COL4A5: variants seen among roughly 807,000 people sequenced by gnomAD.
COL4A5 encodes the protein collagen alpha-5(IV) chain.
Under a neutral mutation model 130.2 loss-of-function variants are expected in COL4A5, and 26 were observed. The observed-to-expected ratio is 0.20, with a 90% CI of 0.15 to 0.28. The LOEUF (loss-of-function observed/expected upper bound fraction) is 0.28, where lower values mean the gene tolerates loss of function less well. Among genes scored for constraint, COL4A5 ranks in the 10% least tolerant of loss-of-function variants. The probability of loss-of-function intolerance (pLI) is 1.00; values close to 1 mark genes in which losing one functional copy is unlikely to be tolerated. For synonymous variants in COL4A5, 496 were observed against 439.6 expected (o/e 1.13, Z -1.60); for missense variants, 1,131 against 1,344.3 (o/e 0.84, Z 2.48).
intron 1 of COL4A5, among the ~76,000 whole-genome samples, chrX:108,440,844 C>G (rs1016359205): frequency 2.7e-5 from 3 of 111,569 alleles, no homozygotes; most frequent in East Asian, 2.8e-4. Context: ...TCTTTTGCGT[C>G]TTTTTGTTGT....
chrX:108,470,491 A>G (rs1192964678), intron 1 of COL4A5, among the ~76,000 whole-genome samples: 1 of 110,807 alleles, frequency 9.0e-6, no homozygotes, highest in Non-Finnish European at 1.9e-5. Context: ...TTTTAAATGG[A>G]GTTATTTGTC....
rs1162620400 is a variant in COL4A5 at position 108,595,174 on chromosome X, T to A, written c.1424-335T>A. Reference sequence around the variant, plus strand: ...TACTGCAGTCTGCCTATACTTAATATTCTATTAAAATATTTCATATATACA... The same window carrying A: ...TACTGCAGTCTGCCTATACTTAATAATCTATTAAAATATTTCATATATACA... On this transcript the variant is annotated intron_variant, in intron 21 of 52. Transcript: ENST00000328300. Among the ~76,000 whole-genome samples the A allele has an allele frequency of 3.6e-5, 4 of 112,230 alleles. No individual in the cohort carries two copies. In the Admixed American group the frequency reaches 3.8e-4, roughly 11 times the overall value.
At chrX:108,579,737 G>T (rs1435701883) in intron 13 of COL4A5, among the ~76,000 whole-genome samples, 4 of 112,042 alleles carry the variant, frequency 3.6e-5, no homozygotes, top group African/African-American at 1.3e-4. Flanking sequence ...AGGAAAAGTT[G>T]TATTGAAACT....
chrX:108,610,848 C>T (rs2066821198), intron 29 of COL4A5, among the ~76,000 whole-genome samples: 1 of 111,532 alleles, frequency 9.0e-6, no homozygotes, highest in Non-Finnish European at 1.9e-5. Context: ...ATTCTTCAAA[C>T]ATTTATTATG....
In COL4A5 at chrX:108,621,905, G is replaced by C. The variant is rs774918895; in HGVS notation, c.2767+13G>C. 3.5e-6 allele frequency: 4 copies of C among 1,131,439 alleles called. No homozygotes were observed. The highest frequency in any genetic ancestry group is 4.9e-6 in the Non-Finnish European group (4 of 824,443). The allele number at this position is 1,131,439 out of a possible 1,213,427, so 93.2% of individuals were successfully genotyped here. On this transcript the variant is annotated intron_variant, in intron 32 of 52. Transcript: ENST00000328300. ...CCTGGTCTTAAAGGTAATAATCAAG[G>C]TTTGCTGCCAGACGTATGTGAGAGG...
chrX:108,563,958 T>C (rs760413616), intron 4 of COL4A5, 32 bp downstream of exon 4: 1 of 1,114,814 alleles, frequency 9.0e-7, no homozygotes, highest in South Asian at 1.9e-5. Flanking sequence ...TCAAATACTT[T>C]GTTGGTGGAA....
At chrX:108,523,115 G>T (rs1208360860) in intron 1 of COL4A5, among the ~76,000 whole-genome samples, 1 of 110,663 alleles carries the variant, frequency 9.0e-6, no homozygotes, top group Non-Finnish European at 1.9e-5. Context: ...GACCTCAGGT[G>T]ACCTGCCTTC....
chrX:108,632,355 A>G (rs986243314), intron 36 of COL4A5, among the ~76,000 whole-genome samples: 4 of 110,851 alleles, frequency 3.6e-5, no homozygotes, highest in African/African-American at 1.3e-4. Context: ...ACCACCCAAA[A>G]GAAGTCCAGG....
chrX:108,481,560 A>G (rs139624940), intron 1 of COL4A5, among the ~76,000 whole-genome samples: 20 of 112,046 alleles, frequency 1.8e-4, no homozygotes, highest in African/African-American at 6.5e-4. Context: ...GCTTCTAGGA[A>G]CACTGTGATT....
intron 1 of COL4A5, among the ~76,000 whole-genome samples, chrX:108,457,766 C>A (rs188095110): frequency 1.8e-5 from 2 of 111,727 alleles, no homozygotes; most frequent in Admixed American, 9.5e-5. Flanking sequence ...GGCAATCACT[C>A]ATCTATTTTC....
intron 36 of COL4A5, among the ~76,000 whole-genome samples, chrX:108,646,056 T>C (rs2147915365): frequency 1.3e-5 from 1 of 78,031 alleles, no homozygotes; most frequent in African/African-American, 5.6e-5. Context: ...TGCATGTGTC[T>C]TTATAGCAGC....
chrX:108,506,751 G>T (rs1221619254), intron 1 of COL4A5, among the ~76,000 whole-genome samples: 1 of 110,144 alleles, frequency 9.1e-6, no homozygotes, highest in African/African-American at 3.3e-5. Context: ...TGGCCCGGGG[G>T]TTGGGGACTC....
rs765956486 is a variant in COL4A5 at position 108,615,041 on chromosome X, T to C, written c.2509+17T>C. The C allele has an allele frequency of 8.3e-5, 88 of 1,065,055 alleles. No homozygotes were observed. Among genetic ancestry groups the C allele is most frequent in the Non-Finnish European group, 1.1e-4 (85 of 764,375 alleles). 87.8% of individuals were successfully genotyped at this position (1,065,055 alleles called of 1,213,427 possible). ...GTCAACCTGGTAAGATTAGAGTAAA[T>C]GTGCATTTTGTAGCACTCATAATAT... On this transcript the variant is annotated intron_variant, in intron 30 of 52. Coordinates refer to ENST00000328300, the MANE Select transcript of COL4A5 (RefSeq NM_033380.3).
chrX:108,679,167 C>T (rs1476278364), intron 44 of COL4A5, among the ~76,000 whole-genome samples: 1 of 112,136 alleles, frequency 8.9e-6, no homozygotes, highest in Non-Finnish European at 1.9e-5. Flanking sequence ...TGCTCAGTTT[C>T]TCCACTGCAT....
chrX:108,562,794 C>T (rs757698273), intron 3 of COL4A5, among the ~76,000 whole-genome samples: 4 of 111,180 alleles, frequency 3.6e-5, no homozygotes, highest in South Asian at 3.8e-4. Flanking sequence ...TCGCAATTTT[C>T]CAAAGGTTTT....
At chrX:108,667,614 C>T (rs1282330214) in intron 40 of COL4A5, among the ~76,000 whole-genome samples, 1 of 109,130 alleles carries the variant, frequency 9.2e-6, no homozygotes, top group Non-Finnish European at 1.9e-5. Flanking sequence ...CTCTTTTGTG[C>T]TTACTCTTAC....
In COL4A5 at chrX:108,692,907, T is replaced by C; in HGVS notation, c.4688T>C (p.Ile1563Thr). The C allele has an allele frequency of 8.3e-7, 1 of 1,211,708 alleles. No homozygotes were observed. Residue 1563 changes from isoleucine to threonine, a missense_variant, in exon 50 of 53, where the codon ATC becomes ACC. Physicochemically the swap from Ile to Thr is moderately conservative, Grantham distance 89. Transcript: ENST00000328300. ...MSMQPLKGQS[I>T]QPFISRCAVC... ...ATGCAACCCCTAAAGGGCCAGAGCATCCAGCCATTCATTAGTCGGTAAGGC... is the reference window on the plus strand; with the variant it reads ...ATGCAACCCCTAAAGGGCCAGAGCACCCAGCCATTCATTAGTCGGTAAGGC...
At chrX:108,485,347 C>T (rs1003582604) in intron 1 of COL4A5, among the ~76,000 whole-genome samples, 1 of 111,721 alleles carries the variant, frequency 9.0e-6, no homozygotes, top group Non-Finnish European at 1.9e-5. Context: ...TTTACTTTTC[C>T]CTCTCCTTTT....
chrX:108,627,758 C>T (rs951099268), intron 36 of COL4A5: 5 of 150,317 alleles, frequency 3.3e-5, no homozygotes, highest in Non-Finnish European at 5.6e-5. Context: ...TCTTCTTCTC[C>T]AGGGTAACCA....
Sources: gnomAD v4.1 joint callset for allele counts (sites outside exome capture counted in the v4.1 genomes callset) on GRCh38, gnomAD v4.1.1 for gene constraint, MANE v1.5 for transcripts, NCBI Gene and HGNC (gene_info 2026-07-23, HGNC 2026-07-21) for gene names.